The following MCTP2 variants were observed in gnomAD, a reference collection of about 807,000 sequenced individuals.
MCTP2 encodes the protein multiple C2 and transmembrane domain-containing protein 2.
In MCTP2, 132 loss-of-function variants were observed where a neutral mutation model predicts 111.6. The ratio of observed to expected loss-of-function variants is 1.18; its 90% confidence interval spans 1.03 to 1.37. The LOEUF (loss-of-function observed/expected upper bound fraction) is 1.37. Among genes scored for constraint, MCTP2 ranks in the 40% most tolerant of loss-of-function variants. MCTP2 has a pLI of 0.00. For synonymous variants in MCTP2, 395 were observed against 387.7 expected (o/e 1.02, Z -0.22); for missense variants, 1,183 against 1,067.9 (o/e 1.11, Z -1.50).
At chr15:94,338,488 ATTTTTTTTT>A (rs201502636) in intron 4 of MCTP2, among the ~76,000 whole-genome samples, 1 of 134,196 alleles carries the variant, frequency 7.5e-6, no homozygotes, top group African/African-American at 2.8e-5. Flanking sequence ...GTTTGCAGGC[ATTTTTTTTT>A]TTTTTTTTTT....
chr15:94,244,471 C>A (rs1408001030), intron 1 of MCTP2, among the ~76,000 whole-genome samples: 1 of 147,658 alleles, frequency 6.8e-6, no homozygotes, highest in Non-Finnish European at 1.5e-5. Flanking sequence ...CATACATATG[C>A]ACCTATGTTT....
At chr15:94,465,182 A>G (rs1596817233) in intron 20 of MCTP2, among the ~76,000 whole-genome samples, 1 of 152,228 alleles carries the variant, frequency 6.6e-6, no homozygotes, top group East Asian at 1.9e-4. Context: ...GAGCATTAGT[A>G]TGAAGCAACC....
Position 94,475,917 on chromosome 15 carries a change from G to A in MCTP2, c.2471-779G>A, listed in dbSNP as rs552356386. ...TGTTGACATCTTAAACGTTCAACCC[G>A]TTTCTAATTATCCTTGTCCTTGTCC... On this transcript the variant is annotated intron_variant, in intron 21 of 22. Coordinates refer to ENST00000357742, the MANE Select transcript of MCTP2 (RefSeq NM_001385001.1). Among the ~76,000 whole-genome samples the A allele has an allele frequency of 3.9e-5, 6 of 152,144 alleles. No individual in the cohort carries two copies. In the South Asian group the frequency reaches 1.0e-3, roughly 26 times the overall value.
chr15:94,403,316 C>T (rs958201160), intron 17 of MCTP2: 2 of 912,244 alleles, frequency 2.2e-6, no homozygotes, highest in Admixed American at 6.2e-5. Flanking sequence ...TCACGTTCTC[C>T]TCAGCTGGTG....
intron 4 of MCTP2, among the ~76,000 whole-genome samples, chr15:94,318,327 AG>A (rs1414977078): frequency 6.8e-6 from 1 of 147,172 alleles, no homozygotes; most frequent in Non-Finnish European, 1.5e-5. Context: ...TCTGTCGCCC[AG>A]GCTGGAGTGC....
intron 17 of MCTP2, among the ~76,000 whole-genome samples, chr15:94,409,661 T>C (rs1217698712): frequency 6.6e-6 from 1 of 151,980 alleles, no homozygotes; most frequent in Non-Finnish European, 1.5e-5. Flanking sequence ...CAGCTGATGT[T>C]TGACTACCAC....
chr15:94,426,234 T>G (rs984479423), intron 17 of MCTP2, among the ~76,000 whole-genome samples: 1 of 152,132 alleles, frequency 6.6e-6, no homozygotes, highest in African/African-American at 2.4e-5. Context: ...TGACTCCATG[T>G]CTTTTATAAA....
chr15:94,338,430 C>T (rs947357283), intron 4 of MCTP2, among the ~76,000 whole-genome samples: 15 of 151,374 alleles, frequency 9.9e-5, no homozygotes, highest in Non-Finnish European at 1.8e-4. Flanking sequence ...TTGTATCATG[C>T]GACGCACATG....
intron 8 of MCTP2, among the ~76,000 whole-genome samples, chr15:94,347,693 C>T (rs1465964117): frequency 6.6e-6 from 1 of 152,072 alleles, no homozygotes; most frequent in Admixed American, 6.5e-5. Flanking sequence ...TTTGGTGTGA[C>T]CAGATTTGTT....
chr15:94,252,117 T>C (rs527286979), intron 1 of MCTP2, among the ~76,000 whole-genome samples: 2 of 152,354 alleles, frequency 1.3e-5, no homozygotes, highest in African/African-American at 4.8e-5. Context: ...CTTTCGTTTC[T>C]TTTGGGCAGA....
intron 8 of MCTP2, among the ~76,000 whole-genome samples, chr15:94,353,866 T>G (rs536395068): frequency 1.5e-4 from 23 of 152,344 alleles, no homozygotes; most frequent in African/African-American, 5.5e-4. Flanking sequence ...GATATCTATA[T>G]AAACATCTAT....
chr15:94,357,186 C>T (rs1305842797), intron 9 of MCTP2, among the ~76,000 whole-genome samples: 1 of 152,124 alleles, frequency 6.6e-6, no homozygotes, highest in Non-Finnish European at 1.5e-5. Context: ...ATTTTCAGTA[C>T]AGAATCAAAT....
At chr15:94,325,978 C>G (rs1273154261) in intron 4 of MCTP2, among the ~76,000 whole-genome samples, 1 of 151,758 alleles carries the variant, frequency 6.6e-6, no homozygotes, top group Non-Finnish European at 1.5e-5. Context: ...CGCCACCATG[C>G]CCAGCTAATT....
At chr15:94,332,143 T>G (rs967243241) in intron 4 of MCTP2, among the ~76,000 whole-genome samples, 16 of 152,234 alleles carry the variant, frequency 1.1e-4, no homozygotes, top group Non-Finnish European at 2.4e-4. Context: ...AAAAATGTCC[T>G]GTAAATTTCC....
intron 22 of MCTP2, among the ~76,000 whole-genome samples, chr15:94,478,663 C>T (rs1412516719): frequency 6.6e-6 from 1 of 152,186 alleles, no homozygotes; most frequent in African/African-American, 2.4e-5. Flanking sequence ...AGTTATTAAG[C>T]TTACTTATGG....
intron 14 of MCTP2, among the ~76,000 whole-genome samples, chr15:94,390,114 GTATATATATATATATATA>G (rs1567603571): frequency 0.041 from 832 of 20,078 alleles, 66 homozygotes; most frequent in African/African-American, 0.11. Context: ...ATATATATAT[GTATATATATATATATATA>G]CTTAGATGTT....
chr15:94,427,526 C>T (rs2152498729), intron 17 of MCTP2, among the ~76,000 whole-genome samples: 1 of 152,240 alleles, frequency 6.6e-6, no homozygotes, highest in Non-Finnish European at 1.5e-5. Context: ...CACTTTCTAA[C>T]AACCAGATCT....
intron 12 of MCTP2, among the ~76,000 whole-genome samples, chr15:94,374,294 A>T (rs2079637797): frequency 6.6e-6 from 1 of 152,242 alleles, no homozygotes; most frequent in Non-Finnish European, 1.5e-5. Flanking sequence ...AGATTATGTT[A>T]CCTTTCAGTA....
rs569183949 is a variant in MCTP2 at position 94,262,938 on chromosome 15, C to T, written c.-66+31274C>T. Among the ~76,000 whole-genome samples the T allele has an allele frequency of 2.0e-5, 3 of 152,234 alleles. No individual in the cohort carries two copies. The South Asian group carries it at 6.2e-4, about 32-fold the overall frequency. Reference sequence around the variant, plus strand: ...CACCCATCTCAGCTTCCCAAAGTGCCGGGATTACAGGTGTGTGCCACTGCA... The same window carrying T: ...CACCCATCTCAGCTTCCCAAAGTGCTGGGATTACAGGTGTGTGCCACTGCA... On this transcript the variant is annotated intron_variant, in intron 1 of 22. Coordinates refer to ENST00000357742, the MANE Select transcript of MCTP2 (RefSeq NM_001385001.1).
Sources: allele counts gnomAD v4.1 joint callset (sites outside exome capture counted in the v4.1 genomes callset), GRCh38; gene constraint gnomAD v4.1.1; transcripts MANE v1.5; gene names NCBI Gene and HGNC (gene_info 2026-07-23, HGNC 2026-07-21).